The following AKAP13 variants were observed in gnomAD, a reference collection of about 807,000 sequenced individuals.
The protein encoded by AKAP13 is A-kinase anchor protein 13.
A neutral mutation model predicts 264.5 loss-of-function variants in AKAP13; 80 were observed. The ratio of observed to expected loss-of-function variants is 0.30; its 90% CI spans 0.25 to 0.36. AKAP13 has a LOEUF of 0.36. Ranked by LOEUF, AKAP13 falls within the 10% of genes least tolerant of loss-of-function variation. The probability of loss-of-function intolerance (pLI) is 1.00; values close to 1 mark genes in which losing one functional copy is unlikely to be tolerated. For synonymous variants in AKAP13, 1,380 were observed against 1,250.2 expected (o/e 1.10, Z -2.19); for missense variants, 3,712 against 3,435.2 (o/e 1.08, Z -2.01).
At chr15:85,654,728 G>C in intron 10 of AKAP13, among the ~76,000 whole-genome samples, 1 of 152,240 alleles carries the variant, frequency 6.6e-6, no homozygotes, top group East Asian at 1.9e-4. Flanking sequence ...GGAGGCTGAG[G>C]TGGGAGGATC....
At chr15:85,697,158 G>C (rs1262098524) in intron 17 of AKAP13, among the ~76,000 whole-genome samples, 1 of 152,138 alleles carries the variant, frequency 6.6e-6, no homozygotes, top group Admixed American at 6.5e-5. Flanking sequence ...CCAAGGCTAC[G>C]GCAGGAGGAA....
At chr15:85,516,346 G>GT (rs2076597705) in intron 2 of AKAP13, among the ~76,000 whole-genome samples, 1 of 152,202 alleles carries the variant, frequency 6.6e-6, no homozygotes, top group South Asian at 2.1e-4. Flanking sequence ...CATACCCCAA[G>GT]TTAAACAGAT....
chr15:85,723,529 G>A (rs2087420276), intron 26 of AKAP13, among the ~76,000 whole-genome samples: 1 of 152,092 alleles, frequency 6.6e-6, no homozygotes, highest in Non-Finnish European at 1.5e-5. Context: ...AGAGGAAGAA[G>A]ACAAAGAAAT....
chr15:85,433,117 G>GTTTTTTTTTTTTTT (rs199655190), intron 1 of AKAP13, among the ~76,000 whole-genome samples: 2 of 53,230 alleles, frequency 3.8e-5, no homozygotes, highest in Admixed American at 2.4e-4. Context: ...CTTCTGTACA[G>GTTTTTTTTTTTTTT]TTTTTTTTTT....
chr15:85,508,292 A>C (rs531934344), intron 2 of AKAP13, among the ~76,000 whole-genome samples: 11 of 151,754 alleles, frequency 7.2e-5, no homozygotes, highest in Admixed American at 2.0e-4. Flanking sequence ...ACAGGCATGC[A>C]CTACCGTGTC....
intron 4 of AKAP13, chr15:85,535,468 T>C (rs1323813856): frequency 6.6e-6 from 1 of 152,202 alleles, no homozygotes; most frequent in Non-Finnish European, 1.5e-5. Context: ...TCCAAGAAAC[T>C]TCTGTCTTGC....
At chr15:85,723,931 C>T (rs1238192155) in intron 26 of AKAP13, among the ~76,000 whole-genome samples, 1 of 152,130 alleles carries the variant, frequency 6.6e-6, no homozygotes, top group East Asian at 1.9e-4. Flanking sequence ...TAATAGTCAG[C>T]CGTATCAAGT....
rs754409647 is a variant in AKAP13 at position 85,745,907 on chromosome 15, T to C, written c.*1230T>C. 22 of 152,284 alleles carry C rather than the reference T, an allele frequency of 1.4e-4. No homozygotes were observed. Among genetic ancestry groups the C allele is most frequent in the Non-Finnish European group, 2.8e-4 (19 of 68,060 alleles). The allele number at this position is 152,284 out of a possible 1,614,324, so 9.4% of individuals were successfully genotyped here. On this transcript the variant is annotated 3_prime_UTR_variant, in exon 37 of 37. Coordinates refer to ENST00000394518, the MANE Select transcript of AKAP13 (RefSeq NM_007200.5). ...TACATGTAAAGGTCTGTTGTTGAAT[T>C]GTACTCTGCCCCTGGAAGCAGATAC...
intron 14 of AKAP13, among the ~76,000 whole-genome samples, chr15:85,671,443 A>G (rs2083922362): frequency 8.3e-6 from 1 of 119,846 alleles, no homozygotes; most frequent in South Asian, 3.4e-4. Context: ...CAAAAAAAAA[A>G]AAAAAAAAAA....
chr15:85,603,486 G>A (rs767448218), intron 8 of AKAP13, among the ~76,000 whole-genome samples: 4 of 152,188 alleles, frequency 2.6e-5, no homozygotes, highest in African/African-American at 4.8e-5. Context: ...TTTGCAGACC[G>A]CACTTTGAGA....
intron 14 of AKAP13, among the ~76,000 whole-genome samples, chr15:85,679,239 C>CAA (rs559536369): frequency 7.3e-6 from 1 of 136,432 alleles, no homozygotes; most frequent in Admixed American, 7.4e-5. Flanking sequence ...GACTCCATCT[C>CAA]AAAAAAAAAA....
intron 13 of AKAP13, 27 bp from the exon 14 acceptor site, chr15:85,669,695 C>T (rs376558333): frequency 9.1e-5 from 135 of 1,488,482 alleles, no homozygotes; most frequent in Non-Finnish European, 1.2e-4. Flanking sequence ...ATGCTTACAA[C>T]GTGTTCTTCA....
At chr15:85,597,248 A>G (rs17571078) in intron 8 of AKAP13, among the ~76,000 whole-genome samples, 25,779 of 152,088 alleles carry the variant, frequency 0.17, 2,478 homozygotes, top group Non-Finnish European at 0.22. Context: ...ATTTGCAAGA[A>G]AGGAACTGGA....
At chr15:85,566,360 C>T (rs1269198483) in intron 5 of AKAP13, among the ~76,000 whole-genome samples, 1 of 152,174 alleles carries the variant, frequency 6.6e-6, no homozygotes. Context: ...TAAAACTCCT[C>T]ATACATTCTT....
intron 14 of AKAP13, among the ~76,000 whole-genome samples, chr15:85,672,081 C>A (rs921231203): frequency 6.6e-6 from 1 of 152,184 alleles, no homozygotes; most frequent in African/African-American, 2.4e-5. Context: ...GCTTTTCTTC[C>A]CGTTGCTGAG....
rs369650151 is a variant in AKAP13 at position 85,385,668 on chromosome 15, T to G, written c.-12+4870T>G. On this transcript the variant is annotated intron_variant, in intron 1 of 36. Transcript: ENST00000394518. ...TTTTATTCATTTGCCCAATGACTAA[T>G]GATATTAAGTATCTTTTCATCTGAT... 1.4e-4 allele frequency among the ~76,000 whole-genome samples: 22 copies of G among 152,368 alleles called. No individual in the cohort carries two copies. The East Asian group carries it at 3.7e-3, about 25-fold the overall frequency.
chr15:85,447,527 C>G (rs534222062), intron 1 of AKAP13, among the ~76,000 whole-genome samples: 3 of 152,208 alleles, frequency 2.0e-5, no homozygotes, highest in East Asian at 3.9e-4. Context: ...CCTCCTCCCC[C>G]ACCCCCAAAT....
At chr15:85,574,948 C>G (rs796198606) in intron 5 of AKAP13, among the ~76,000 whole-genome samples, 183 bp from the exon 6 acceptor site, 3 of 152,192 alleles carry the variant, frequency 2.0e-5, no homozygotes, top group Non-Finnish European at 4.4e-5. Flanking sequence ...CATTTGTGAT[C>G]TCTTGTGAGG....
Position 85,384,581 on chromosome 15 carries a change from G to T in AKAP13, c.-12+3783G>T, listed in dbSNP as rs557129536. 1.4e-3 allele frequency among the ~76,000 whole-genome samples: 211 copies of T among 152,264 alleles called. 1 individual carries two copies. The highest frequency in any genetic ancestry group is 4.9e-3 in the African/African-American group (204 of 41,542). ...AAAATACAAAAACTAGCCCGGCAGG[G>T]TGGCAGGTGCCTGTAATCCCAGCTA... On this transcript the variant is annotated intron_variant, in intron 1 of 36. Transcript: ENST00000394518.
Sources: gnomAD v4.1 joint callset for allele counts (sites outside exome capture counted in the v4.1 genomes callset) on GRCh38, gnomAD v4.1.1 for gene constraint, MANE v1.5 for transcripts, NCBI Gene and HGNC (gene_info 2026-07-23, HGNC 2026-07-21) for gene names.